Variants in CFAP58 observed in about 807,000 individuals in gnomAD.
CFAP58 encodes the protein cilia- and flagella-associated protein 58.
Under a neutral mutation model 119.5 loss-of-function variants are expected in CFAP58, and 88 were observed. The ratio of observed to expected loss-of-function variants is 0.74; its 90% CI spans 0.62 to 0.88. The LOEUF (loss-of-function observed/expected upper bound fraction) is 0.88. CFAP58 is among the 40% of genes least tolerant of loss of function. CFAP58 has a pLI of 0.00. For missense variants in CFAP58, 990 were observed against 1,021.2 expected (o/e 0.97, Z 0.42); for synonymous variants, 365 against 366.3 (o/e 1.00, Z 0.04).
intron 15 of CFAP58, among the ~76,000 whole-genome samples, chr10:104,409,323 T>C (rs186003702): frequency 4.7e-4 from 72 of 152,326 alleles, no homozygotes; most frequent in African/African-American, 1.6e-3. Flanking sequence ...TAAGTTATCT[T>C]TTACTTACTG....
At chr10:104,379,155 C>T (rs1245720526) in intron 8 of CFAP58, among the ~76,000 whole-genome samples, 1 of 151,836 alleles carries the variant, frequency 6.6e-6, no homozygotes, top group Non-Finnish European at 1.5e-5. Flanking sequence ...TGTACCTATT[C>T]AGCAGCCACT....
At position 104,357,880 on chromosome 10, in the gene CFAP58, CACATATATAA is replaced by C. The variant is rs1281628058; in HGVS notation, c.10-452_10-443del. Reference sequence around the variant, plus strand: ...ATACACATATATACACATATATGTACACATATATAAACATATATGTACACATATACACACA... The same window carrying C: ...ATACACATATATACACATATATGTACACATATATGTACACATATACACACA... On this transcript the variant is annotated intron_variant, in intron 1 of 17. Transcript: ENST00000369704. 2.8e-3 allele frequency among the ~76,000 whole-genome samples: 180 copies of C among 65,436 alleles called. 8 individuals are homozygous for C. Among genetic ancestry groups the C allele is most frequent in the Middle Eastern group, 0.02 (2 of 102 alleles). 42.9% of individuals were successfully genotyped at this position (65,436 alleles called of 152,430 possible). A position where few individuals can be genotyped will look rare whatever the true frequency, so the allele number is the denominator to read the frequency against.
At chr10:104,380,322 G>A in intron 9 of CFAP58, 102 bp downstream of exon 9, 6 of 1,146,532 alleles carry the variant, frequency 5.2e-6, no homozygotes, top group Non-Finnish European at 7.5e-6. Flanking sequence ...TCAGATTTCT[G>A]TTTGTAATTT....
At chr10:104,380,796 C>T (rs940325869) in intron 9 of CFAP58, among the ~76,000 whole-genome samples, 3 of 151,816 alleles carry the variant, frequency 2.0e-5, no homozygotes, top group African/African-American at 7.3e-5. Flanking sequence ...TGGGAGCTTA[C>T]AAGCAGCCCA....
intron 17 of CFAP58, among the ~76,000 whole-genome samples, chr10:104,450,669 T>TTTTATTTA (rs3069011): frequency 0.14 from 20,438 of 143,222 alleles, 1,586 homozygotes; most frequent in Non-Finnish European, 0.17. Context: ...TTCACCTATG[T>TTTTATTTA]TTTATTTATT....
At chr10:104,351,970 GAC>G (rs1035883240), upstream of CFAP58, 4 of 152,114 alleles carry the variant, frequency 2.6e-5, no homozygotes, top group Admixed American at 2.0e-4. Flanking sequence ...TAGAAAAATA[GAC>G]ACAGACACTG....
At chr10:104,377,314 G>T (rs2011691447) in intron 8 of CFAP58, among the ~76,000 whole-genome samples, 1 of 152,188 alleles carries the variant, frequency 6.6e-6, no homozygotes, top group Non-Finnish European at 1.5e-5. Context: ...AGGAATGGCA[G>T]GTCTAAGCTT....
chr10:104,346,633 C>CTTTTTTTTTT, the CFAP58 span, among the ~76,000 whole-genome samples: 1,279 of 101,070 alleles, frequency 0.013, 206 homozygotes, highest in African/African-American at 0.05. Flanking sequence ...GCCATTTAGT[C>CTTTTTTTTTT]TTTTTTTTTT....
rs113536992 is a variant in CFAP58 at position 104,354,246 on chromosome 10, A to G, written c.9+340A>G. The stretch of plus-strand genomic sequence containing the variant: ...CCATAAGAGAGGCTCACACAGAAAT[A>G]TTGGAGATGTCTTATCTCACAGGGG... On this transcript the variant is annotated intron_variant, in intron 1 of 17. Transcript: ENST00000369704. 1.9e-3 allele frequency among the ~76,000 whole-genome samples: 291 copies of G among 152,292 alleles called. 2 individuals carry two copies. Among genetic ancestry groups the G allele is most frequent in the Middle Eastern group, 6.8e-3 (2 of 294 alleles).
At chr10:104,405,162 C>T (rs181413364) in intron 14 of CFAP58, among the ~76,000 whole-genome samples, 301 of 152,290 alleles carry the variant, frequency 2.0e-3, no homozygotes, top group African/African-American at 6.9e-3. Flanking sequence ...CCAACCCTGC[C>T]GGGTGAATGT....
intron 9 of CFAP58, chr10:104,382,067 T>C: frequency 1.4e-6 from 1 of 717,058 alleles, no homozygotes; most frequent in East Asian, 2.7e-5. Context: ...TATGTTTTGC[T>C]CATATAACTG....
intron 13 of CFAP58, among the ~76,000 whole-genome samples, chr10:104,402,912 A>G (rs771797885): frequency 2.0e-5 from 3 of 152,208 alleles, no homozygotes; most frequent in Non-Finnish European, 4.4e-5. Context: ...GTAGAGACGT[A>G]TGCCCTAACT....
At chr10:104,439,602 G>T (rs960198339) in intron 15 of CFAP58, among the ~76,000 whole-genome samples, 3 of 151,938 alleles carry the variant, frequency 2.0e-5, no homozygotes, top group Non-Finnish European at 2.9e-5. Context: ...CATTTTGGGA[G>T]GCTGAAGTAG....
At chr10:104,411,767 T>C (rs2133056131) in intron 15 of CFAP58, among the ~76,000 whole-genome samples, 1 of 152,276 alleles carries the variant, frequency 6.6e-6, no homozygotes, top group East Asian at 1.9e-4. Context: ...CAACTTTTTT[T>C]TTTTTCCCCC....
chr10:104,343,208 A>G, the CFAP58 span, among the ~76,000 whole-genome samples: 1 of 152,246 alleles, frequency 6.6e-6, no homozygotes, highest in Non-Finnish European at 1.5e-5. Context: ...CTGAGACCTC[A>G]GAGGTGTCAG....
At chr10:104,345,958 G>T in the CFAP58 span, among the ~76,000 whole-genome samples, 2 of 151,938 alleles carry the variant, frequency 1.3e-5, no homozygotes, top group Non-Finnish European at 2.9e-5. Flanking sequence ...TGCTATAAAG[G>T]AATATCTGAG....
intron 15 of CFAP58, among the ~76,000 whole-genome samples, chr10:104,414,691 A>G (rs1272340991): frequency 6.6e-6 from 1 of 152,020 alleles, no homozygotes; most frequent in Non-Finnish European, 1.5e-5. Context: ...TTTTTTTGAG[A>G]CGGATTCTTG....
chr10:104,380,128 A>C lies in CFAP58; in HGVS notation c.1273A>C (p.Lys425Gln). ...CCTGGAGGGAGAAATCCAGAACTAC[A>C]AGGATGAGGCTCAGAAGCAGAGAAA... ...RNLEGEIQNY[K>Q]DEAQKQRKII... The change falls in exon 9 of 18, where the codon AAG becomes CAG. Residue 425 changes from lysine to glutamine, a missense_variant. Transcript: ENST00000369704. 6.2e-7 allele frequency: 1 copy of C among 1,614,094 alleles called. No individual in the cohort carries two copies. The highest frequency in any genetic ancestry group is 8.5e-7 in the Non-Finnish European group (1 of 1,179,972).
At chr10:104,364,278 C>G (rs988298478) in intron 3 of CFAP58, among the ~76,000 whole-genome samples, 1 of 151,968 alleles carries the variant, frequency 6.6e-6, no homozygotes, top group Non-Finnish European at 1.5e-5. Context: ...GGATTAATTA[C>G]CAGAGTTGAC....
Sources: gnomAD v4.1 joint callset for allele counts (sites outside exome capture counted in the v4.1 genomes callset) on GRCh38, gnomAD v4.1.1 for gene constraint, MANE v1.5 for transcripts, NCBI Gene and HGNC (gene_info 2026-07-23, HGNC 2026-07-21) for gene names.